TUG1: variants seen among roughly 807,000 people sequenced by gnomAD.
TUG1 encodes the protein taurine upregulated gene 1.
At chr22:30,979,310 C>G (rs953797765) in exon 3 of TUG1, 1 of 135,084 alleles carries the variant, frequency 7.4e-6, no homozygotes, top group Non-Finnish European at 1.6e-5. Context: ...ATGAAACTTT[C>G]AACTTTATAC....
At chr22:30,972,992 C>T (rs1488608068) in exon 2 of TUG1, 1 of 153,300 alleles carries the variant, frequency 6.5e-6, no homozygotes, top group African/African-American at 2.4e-5. Flanking sequence ...CGAAGACACC[C>T]ATTCCAGTGG....
At chr22:30,977,531 C>T (rs926013293) in exon 3 of TUG1, 1 of 152,182 alleles carries the variant, frequency 6.6e-6, no homozygotes, top group African/African-American at 2.4e-5. Context: ...TCTGTAAGAT[C>T]AGAAAACTGT....
rs1474192433 is a variant in TUG1 at position 30,972,851 on chromosome 22, C to G, written c.*1962-4C>G. ...TTTACCTGTTTTGTCCCTGCCCCTTCTAGTCCTGTGCCTCCTGATTGCTGA... is the reference window on the plus strand; with the variant it reads ...TTTACCTGTTTTGTCCCTGCCCCTTGTAGTCCTGTGCCTCCTGATTGCTGA... On this transcript the variant is annotated splice_polypyrimidine_tract_variant and splice_region_variant and intron_variant, in intron 1 of 2. Coordinates refer to ENST00000644773, the Ensembl canonical transcript of TUG1. The G allele has an allele frequency of 6.5e-6, 1 of 153,684 alleles. No individual in the cohort carries two copies. Among genetic ancestry groups the G allele is most frequent in the Non-Finnish European group, 1.5e-5 (1 of 68,478 alleles). 9.5% of individuals were successfully genotyped at this position (153,684 alleles called of 1,614,324 possible).
chr22:30,978,593 G>T (rs918154628), exon 3 of TUG1: 6 of 152,144 alleles, frequency 3.9e-5, no homozygotes, highest in Non-Finnish European at 7.3e-5. Flanking sequence ...TCATCAATCA[G>T]CAAATCCATC....
At chr22:30,975,388 C>T (rs1056152635) in exon 3 of TUG1, 1 of 152,232 alleles carries the variant, frequency 6.6e-6, no homozygotes, top group Non-Finnish European at 1.5e-5. Context: ...TTGAACTCTT[C>T]CGAACACAGT....
exon 3 of TUG1, chr22:30,978,043 C>G (rs1263917597): frequency 6.6e-6 from 1 of 152,180 alleles, no homozygotes; most frequent in Non-Finnish European, 1.5e-5. Flanking sequence ...GAGTCCGATT[C>G]ACCAGTACAC....
chr22:30,969,596 C>A lies in TUG1; in HGVS notation c.240C>A (p.Val80=). 3 of 152,064 alleles carry A rather than the reference C, an allele frequency of 2.0e-5. No individual in the cohort carries two copies. In the South Asian group the frequency reaches 5.7e-4, roughly 29 times the overall value. The allele number at this position is 152,064 out of a possible 1,614,324, so 9.4% of individuals were successfully genotyped here. Residue 80 remains valine (V), a synonymous_variant, in exon 1 of 3, where the codon GTC becomes GTA. Transcript: ENST00000644773. ...TTCGACGAGGAGTCGTCCGGGTGGT[C>A]GGCGGCGGCGGGCAGCTGCTCCGCC...
chr22:30,969,679 C>A, exon 1 of TUG1: 1 of 149,298 alleles, frequency 6.7e-6, no homozygotes, highest in South Asian at 2.0e-4. Flanking sequence ...GCCGGGGAGG[C>A]GGGGGTGGCC....
At chr22:30,973,328 C>G (rs568389707) in exon 2 of TUG1, 6 of 152,242 alleles carry the variant, frequency 3.9e-5, no homozygotes, top group Admixed American at 3.9e-4. Context: ...TCATGAACAT[C>G]TAGGATCCCG....
chr22:30,972,636 C>T (rs1368338363), intron 1 of TUG1: 2 of 152,646 alleles, frequency 1.3e-5, no homozygotes, highest in Non-Finnish European at 2.9e-5. Flanking sequence ...CTTCGCGAGA[C>T]AGTTCCCACA....
At chr22:30,977,656 C>G (rs1236350479) in exon 3 of TUG1, 2 of 152,184 alleles carry the variant, frequency 1.3e-5, no homozygotes, top group Non-Finnish European at 2.9e-5. Context: ...ATTGGTATGG[C>G]TGGCCTTTCT....
exon 3 of TUG1, chr22:30,977,238 A>T (rs1569213667): frequency 6.6e-6 from 1 of 152,340 alleles, no homozygotes; most frequent in African/African-American, 2.4e-5. Context: ...CATGCCTCAG[A>T]TCTCATCTAA....
At chr22:30,971,253 C>T (rs1476758570) in exon 1 of TUG1, 6 of 152,144 alleles carry the variant, frequency 3.9e-5, no homozygotes. Flanking sequence ...TCCTAAAGGG[C>T]AGAGACAGAT....
At chr22:30,977,931 T>C (rs1373171332) in exon 3 of TUG1, 1 of 152,212 alleles carries the variant, frequency 6.6e-6, no homozygotes, top group Non-Finnish European at 1.5e-5. Context: ...TTCCTGTATG[T>C]AATTGTTCAT....
exon 2 of TUG1, chr22:30,973,461 T>C (rs553454932): frequency 1.4e-4 from 22 of 152,312 alleles, no homozygotes; most frequent in African/African-American, 5.3e-4. Flanking sequence ...AGCATCTTCT[T>C]TGGAATTACT....
At chr22:30,971,006 T>G (rs992556721) in exon 1 of TUG1, 1 of 152,202 alleles carries the variant, frequency 6.6e-6, no homozygotes, top group African/African-American at 2.4e-5. Context: ...AGTTTTTGCT[T>G]CTTTGTTAGT....
At chr22:30,973,890 G>C (rs1042791129) in intron 2 of TUG1, 4 of 152,060 alleles carry the variant, frequency 2.6e-5, no homozygotes, top group African/African-American at 7.2e-5. Flanking sequence ...CTGATCTGGT[G>C]CCCCTAGTCA....
exon 3 of TUG1, chr22:30,978,046 C>A (rs2041309734): frequency 6.6e-6 from 1 of 152,192 alleles, no homozygotes; most frequent in South Asian, 2.1e-4. Context: ...TCCGATTCAC[C>A]AGTACACACA....
chr22:30,969,278 G>C (rs2041193869), exon 1 of TUG1: 1 of 152,444 alleles, frequency 6.6e-6, no homozygotes, highest in South Asian at 2.1e-4. Context: ...CGACGCAGCC[G>C]GGACGGTAGC....
Sources: gnomAD v4.1 joint callset for allele counts on GRCh38, gnomAD v4.1.1 for gene constraint, MANE v1.5 for transcripts, NCBI Gene and HGNC (gene_info 2026-07-23, HGNC 2026-07-21) for gene names.